The following CSMD1 variants were observed in gnomAD, a reference collection of about 807,000 sequenced individuals.
The protein encoded by CSMD1 is CUB and sushi domain-containing protein 1.
Under a neutral mutation model 417.5 loss-of-function variants are expected in CSMD1, and 213 were observed. The ratio of observed to expected loss-of-function variants is 0.51; its 90% CI spans 0.46 to 0.57. The LOEUF is 0.57. Among genes scored for constraint, CSMD1 ranks in the 20% least tolerant of loss-of-function variants. The pLI, the probability that CSMD1 is intolerant of heterozygous loss-of-function variation, is 0.00. For synonymous variants in CSMD1, 2,862 were observed against 1,736.8 expected, an observed-to-expected ratio of 1.65 and a Z score of -16.11; for missense variants, 6,923 against 4,529.7, an observed-to-expected ratio of 1.53 and a Z score of -15.17.
At chr8:4,959,846 T>C (rs976070822) in intron 1 of CSMD1, among the ~76,000 whole-genome samples, 2 of 152,228 alleles carry the variant, frequency 1.3e-5, no homozygotes, top group African/African-American at 4.8e-5. Context: ...TTTAACAGTC[T>C]CTGTGAAAAC....
chr8:3,707,313 A>ATTGG (rs397746269), intron 7 of CSMD1, among the ~76,000 whole-genome samples: 1 of 151,656 alleles, frequency 6.6e-6, no homozygotes, highest in Non-Finnish European at 1.5e-5. Flanking sequence ...AACAGAATTG[A>ATTGG]CCCGAGAGGG....
At chr8:4,767,346 G>A (rs1279674688) in intron 1 of CSMD1, among the ~76,000 whole-genome samples, 1 of 152,178 alleles carries the variant, frequency 6.6e-6, no homozygotes, top group African/African-American at 2.4e-5. Context: ...AGAGACTTGT[G>A]AAGAAAATCA....
At chr8:3,727,760 T>C (rs12682219) in intron 6 of CSMD1, among the ~76,000 whole-genome samples, 9,736 of 152,220 alleles carry the variant, frequency 0.064, 724 homozygotes, top group African/African-American at 0.18. Flanking sequence ...GATCTGACCA[T>C]ATAATCGGTT....
intron 3 of CSMD1, among the ~76,000 whole-genome samples, chr8:4,346,570 C>T (rs1299258919): frequency 3.3e-5 from 5 of 151,978 alleles, no homozygotes; most frequent in Admixed American, 6.6e-5. Context: ...GCGTGCTTTT[C>T]GTTATTGTTC....
intron 2 of CSMD1, among the ~76,000 whole-genome samples, chr8:4,534,045 A>G (rs1160402889): frequency 6.6e-6 from 1 of 151,882 alleles, no homozygotes; most frequent in Non-Finnish European, 1.5e-5. Context: ...CAATTTATAG[A>G]TATTGTAATT....
intron 60 of CSMD1, among the ~76,000 whole-genome samples, 180 bp downstream of exon 60, chr8:2,963,042 T>C (rs1585058559): frequency 2.0e-5 from 3 of 152,292 alleles, no homozygotes; most frequent in African/African-American, 7.2e-5. Flanking sequence ...AGTGAGGACC[T>C]GTCTCAAAAA....
At chr8:3,634,990 T>G (rs1050665361) in intron 7 of CSMD1, among the ~76,000 whole-genome samples, 1 of 152,158 alleles carries the variant, frequency 6.6e-6, no homozygotes, top group Non-Finnish European at 1.5e-5. Context: ...GGTAAGAAAT[T>G]TGTGTATCTA....
chr8:3,791,888 G>A (rs758342112), intron 5 of CSMD1, among the ~76,000 whole-genome samples: 2 of 151,954 alleles, frequency 1.3e-5, no homozygotes, highest in Admixed American at 6.6e-5. Context: ...AAAAGTAATT[G>A]CAGTTTTTGG....
At chr8:3,665,138 G>A (rs193227311) in intron 7 of CSMD1, among the ~76,000 whole-genome samples, 1 of 152,126 alleles carries the variant, frequency 6.6e-6, no homozygotes, top group South Asian at 2.1e-4. Flanking sequence ...TAGGAATTTT[G>A]TATCATGAGC....
intron 1 of CSMD1, among the ~76,000 whole-genome samples, chr8:4,962,089 G>A (rs191107997): frequency 1.3e-3 from 184 of 140,848 alleles, no homozygotes; most frequent in African/African-American, 4.9e-3. Context: ...TTTTTGTCAT[G>A]CATGTAAGTA....
intron 1 of CSMD1, among the ~76,000 whole-genome samples, chr8:4,930,428 G>C (rs1383087047): frequency 2.0e-5 from 3 of 151,944 alleles, no homozygotes; most frequent in African/African-American, 7.3e-5. Flanking sequence ...TTTGAGAAGT[G>C]GCGCTTAAAG....
chr8:4,393,136 C>T (rs560809714), intron 3 of CSMD1, among the ~76,000 whole-genome samples: 2 of 151,710 alleles, frequency 1.3e-5, no homozygotes, highest in South Asian at 2.1e-4. Flanking sequence ...CCACCACGCC[C>T]GACTAATTTT....
intron 3 of CSMD1, among the ~76,000 whole-genome samples, chr8:4,187,828 T>C (rs1236898661): frequency 6.6e-6 from 1 of 152,122 alleles, no homozygotes; most frequent in Non-Finnish European, 1.5e-5. Context: ...CAGTTTCAGA[T>C]GACTTGCTGA....
chr8:3,041,029 G>A (rs1017841442), intron 50 of CSMD1, among the ~76,000 whole-genome samples: 3 of 151,510 alleles, frequency 2.0e-5, no homozygotes, highest in African/African-American at 4.9e-5. Context: ...TCTTCATATC[G>A]GTAAATAAAT....
At chr8:4,077,589 T>G (rs967066849) in intron 3 of CSMD1, among the ~76,000 whole-genome samples, 1 of 152,010 alleles carries the variant, frequency 6.6e-6, no homozygotes, top group Non-Finnish European at 1.5e-5. Flanking sequence ...ATCAAATTCC[T>G]CCTGCTGTCA....
At chr8:3,571,883 G>C (rs1362069431) in intron 10 of CSMD1, among the ~76,000 whole-genome samples, 1 of 152,138 alleles carries the variant, frequency 6.6e-6, no homozygotes, top group Non-Finnish European at 1.5e-5. Flanking sequence ...AAACCTTTTA[G>C]GGTGTACTTC....
intron 3 of CSMD1, among the ~76,000 whole-genome samples, chr8:4,246,033 T>G (rs1470306419): frequency 6.6e-6 from 1 of 152,180 alleles, no homozygotes; most frequent in African/African-American, 2.4e-5. Context: ...GTTGTTTGAT[T>G]TTTAACTTTT....
At chr8:3,494,575 G>C (rs574571431) in intron 10 of CSMD1, among the ~76,000 whole-genome samples, 3 of 149,036 alleles carry the variant, frequency 2.0e-5, no homozygotes, top group Non-Finnish European at 4.4e-5. Context: ...TAGATAGATA[G>C]ATAGATAGAT....
intron 1 of CSMD1, among the ~76,000 whole-genome samples, chr8:4,657,599 C>T (rs994413524): frequency 2.0e-5 from 3 of 151,554 alleles, no homozygotes; most frequent in Admixed American, 6.6e-5. Flanking sequence ...TAAAACAATT[C>T]CCAAGAAGAA....
Sources: allele counts gnomAD v4.1 joint callset (sites outside exome capture counted in the v4.1 genomes callset), GRCh38; gene constraint gnomAD v4.1.1; transcripts MANE v1.5; gene names NCBI Gene and HGNC (gene_info 2026-07-23, HGNC 2026-07-21).